The following ARAP3 variants were observed in gnomAD, a reference collection of about 807,000 sequenced individuals.
ARAP3 encodes ArfGAP with RhoGAP domain, ankyrin repeat and PH domain 3, also known as arf-GAP with Rho-GAP domain, ANK repeat and PH domain-containing protein 3.
A neutral mutation model predicts 169.2 loss-of-function variants in ARAP3; 82 were observed. That is an observed-to-expected ratio of 0.48 (90% CI 0.41 to 0.58). The LOEUF (loss-of-function observed/expected upper bound fraction) is 0.58. Among genes scored for constraint, ARAP3 ranks in the 20% least tolerant of loss-of-function variants. The pLI is 0.00. For synonymous variants in ARAP3, 791 were observed against 800.3 expected (o/e 0.99, Z 0.20); for missense variants, 1,764 against 2,018.0 (o/e 0.87, Z 2.41).
At chr5:141,658,682 G>T (rs759399507) in intron 23 of ARAP3, 29 bp from the exon 24 acceptor site, 2 of 1,555,140 alleles carry the variant, frequency 1.3e-6, no homozygotes, top group African/African-American at 2.8e-5. Flanking sequence ...AAGTCAGAAG[G>T]GCAAAAAAAG....
chr5:141,663,588 C>T (rs570321420), intron 19 of ARAP3, among the ~76,000 whole-genome samples: 1 of 152,334 alleles, frequency 6.6e-6, no homozygotes, highest in South Asian at 2.1e-4. Context: ...CACGCCCGGC[C>T]CCATATTCTT....
intron 16 of ARAP3, among the ~76,000 whole-genome samples, chr5:141,666,925 T>C (rs2099910729): frequency 6.6e-6 from 1 of 152,118 alleles, no homozygotes; most frequent in Non-Finnish European, 1.5e-5. Flanking sequence ...ATGCCCTTAA[T>C]TGAGGTGTGG....
At position 141,671,537 on chromosome 5, in the gene ARAP3, C is replaced by T. The variant is rs370474543; in HGVS notation, c.1854+33G>A. 1.9e-6 allele frequency: 3 copies of T among 1,612,152 alleles called. No individual in the cohort carries two copies. Among genetic ancestry groups the T allele is most frequent in the Non-Finnish European group, 2.5e-6 (3 of 1,179,348 alleles). On this transcript the variant is annotated intron_variant, in intron 12 of 32. Transcript: ENST00000239440. This position sits in a 1 kb window ranked among gnomAD's most constrained non-coding sequence, Gnocchi z 4.9. Reference sequence around the variant, plus strand: ...TCCAGAGAGTGTTTCCTGACCCCCCCACCCCAGATCACCCCTGCTCTGTCC... The same window carrying T: ...TCCAGAGAGTGTTTCCTGACCCCCCTACCCCAGATCACCCCTGCTCTGTCC...
At position 141,658,641 on chromosome 5, in the gene ARAP3, C is replaced by T. The variant is rs1156927261; in HGVS notation, c.3349G>A (p.Gly1117Arg). 6.3e-7 allele frequency: 1 copy of T among 1,591,338 alleles called. No individual in the cohort carries two copies. The highest frequency in any genetic ancestry group is 8.5e-7 in the Non-Finnish European group (1 of 1,173,650). Residue 1117 changes from glycine (G) to arginine (R), a missense_variant, in exon 24 of 33, where the codon GGA (glycine) becomes AGA (arginine). Gly to Arg is a moderately radical substitution (Grantham distance 125, BLOSUM62 -2). Coordinates refer to ENST00000239440, the MANE Select transcript of ARAP3 (RefSeq NM_022481.6). ...TWKDVQLSQA[G>R]DLIMEVYIEQ... is the part of the protein sequence containing the mutation. ...ATATAAACTTCCATGATGAGGTCTC[C>T]AGCCTGAGACAGCTGAGGGGAGGGG...
intron 16 of ARAP3, among the ~76,000 whole-genome samples, chr5:141,667,221 CA>C (rs1435092252): frequency 6.6e-6 from 1 of 151,934 alleles, no homozygotes; most frequent in Admixed American, 6.6e-5. Context: ...TCTTTATAGC[CA>C]AAAATGCTAC....
rs923321593 is a variant in ARAP3, at chr5:141,672,188, G to A, written c.1499C>T (p.Ala500Val). 17 of 1,614,064 alleles carry A rather than the reference G, an allele frequency of 1.1e-5. No homozygotes were observed. The highest frequency in any genetic ancestry group is 1.4e-5 in the Non-Finnish European group (17 of 1,180,030). The change falls in exon 10 of 33, where the codon GCC becomes GTC. Residue 500 changes from alanine to valine, a missense_variant. This residue lies in a region of ARAP3 where 630 missense variants were observed against 678.7 expected (regional missense o/e 0.93). Transcript: ENST00000239440. This position sits in a 1 kb window ranked among gnomAD's most constrained non-coding sequence, Gnocchi z 4.9. ...EVAEKIWSNR[A>V]NRQCADCGSS... ...CCCACAGTCCGCACACTGCCGGTTG[G>A]CCCGATTAGACCAGATCTTCTCAGC...
At chr5:141,661,436 T>G (rs937978825) in intron 21 of ARAP3, among the ~76,000 whole-genome samples, 2 of 152,122 alleles carry the variant, frequency 1.3e-5, no homozygotes, top group African/African-American at 4.8e-5. Context: ...CTTTTAGAAA[T>G]GAAGAAATTG....
chr5:141,670,027 A>G lies in ARAP3; in HGVS notation c.2144T>C (p.Leu715Pro), dbSNP rs1194708403. ...PRLWCVLGAA[L>P]EMFASENSPE... The stretch of plus-strand genomic sequence containing the variant: ...GCTGTTTTCCGATGCAAACATTTCC[A>G]GAGCTGCTCCCAGCACACACCAAAG... Residue 715 changes from leucine to proline, a missense_variant, in exon 15 of 33, where the codon CTG becomes CCG. Leu to Pro is a moderately conservative substitution (Grantham distance 98, BLOSUM62 -3). Around this residue, in one of 3 missense-constraint regions of ARAP3, gnomAD observed 1,112 missense variants for 1,285.7 expected, o/e 0.86. Transcript: ENST00000239440. 1 of 1,599,056 alleles carries G rather than the reference A, an allele frequency of 6.3e-7. No homozygotes were observed. Among genetic ancestry groups the G allele is most frequent in the Admixed American group, 1.9e-5 (1 of 54,014 alleles).
chr5:141,661,504 G>C (rs1213038720), intron 21 of ARAP3, among the ~76,000 whole-genome samples, 180 bp downstream of exon 21: 1 of 152,228 alleles, frequency 6.6e-6, no homozygotes, highest in African/African-American at 2.4e-5. Context: ...GACGGCACCA[G>C]ATTAAAGCCT....
At chr5:141,660,732 C>T (rs12188703) in intron 21 of ARAP3, among the ~76,000 whole-genome samples, 46,237 of 151,896 alleles carry the variant, frequency 0.3, 7,284 homozygotes, top group Admixed American at 0.4. Context: ...ATCCTCCTGC[C>T]TTGGCCTCCC....
rs751310295 is a variant in ARAP3, at chr5:141,662,263, G to A, written c.2801-8C>T. 1.9e-6 allele frequency: 3 copies of A among 1,613,614 alleles called. No individual in the cohort carries two copies. Among genetic ancestry groups the A allele is most frequent in the Non-Finnish European group, 2.5e-6 (3 of 1,179,888 alleles). ...CACCTTCCAGCCGGAGCCCTGAGGA[G>A]AGCCAGCCGTCTCTGCTCACCATGG... On this transcript the variant is annotated splice_polypyrimidine_tract_variant and splice_region_variant and intron_variant, in intron 19 of 32. Transcript: ENST00000239440.
chr5:141,669,501 C>G (rs551561762), intron 16 of ARAP3, among the ~76,000 whole-genome samples: 4 of 152,306 alleles, frequency 2.6e-5, no homozygotes, highest in Non-Finnish European at 5.9e-5. Context: ...TTTCCTTATA[C>G]TTAAAACCTC....
chr5:141,659,649 G>T, intron 22 of ARAP3, 130 bp downstream of exon 22: 1 of 1,379,380 alleles, frequency 7.2e-7, no homozygotes, highest in Non-Finnish European at 1.0e-6. Flanking sequence ...GCTCTGGGAG[G>T]TAGTTCCTGG....
chr5:141,681,635 T>C lies in ARAP3; in HGVS notation c.-18+538A>G, dbSNP rs1354120736. On this transcript the variant is annotated intron_variant, in intron 1 of 32. Transcript: ENST00000239440. ...GTTTTGCTCTCTGTTATTAAGCTTGTCCTTGACTCAGTCTACAATTCTAAC... is the reference window on the plus strand; with the variant it reads ...GTTTTGCTCTCTGTTATTAAGCTTGCCCTTGACTCAGTCTACAATTCTAAC... 3.9e-5 allele frequency among the ~76,000 whole-genome samples: 6 copies of C among 152,162 alleles called. No individual in the cohort carries two copies. The East Asian group carries it at 9.7e-4, about 25-fold the overall frequency.
rs761731690 is a variant in ARAP3 at position 141,671,310 on chromosome 5, A to T, written c.1945T>A (p.Phe649Ile). 2 of 1,613,498 alleles carry T rather than the reference A, an allele frequency of 1.2e-6. No homozygotes were observed. The highest frequency in any genetic ancestry group is 2.2e-5 in the East Asian group (1 of 44,882). Residue 649 changes from phenylalanine to isoleucine, a missense_variant, in exon 13 of 33, where the codon TTC (phenylalanine) becomes ATC (isoleucine). By Grantham distance (21) the Phe-to-Ile change is conservative (BLOSUM62 0). Coordinates refer to ENST00000239440, the MANE Select transcript of ARAP3 (RefSeq NM_022481.6). The surrounding 1 kb of genome is among the most constrained non-coding windows in gnomAD (Gnocchi z 4.9). ...CAGCTGCCATCAGGGGCTGGGGGGAACCAGGGCTCCTCGCCTTCAAAGGCC... is the reference window on the plus strand; with the variant it reads ...CAGCTGCCATCAGGGGCTGGGGGGATCCAGGGCTCCTCGCCTTCAAAGGCC... ...VEAFEGEEPW[F>I]PPAPDGSCPG...
intron 16 of ARAP3, 40 bp from the exon 17 acceptor site, chr5:141,666,683 G>A: frequency 1.8e-6 from 2 of 1,128,548 alleles, no homozygotes; most frequent in Non-Finnish European, 2.4e-6. Context: ...GGGGGATGGG[G>A]GAAGAGACAA....
chr5:141,673,218 G>A, intron 6 of ARAP3, 85 bp from the exon 7 acceptor site: 1 of 1,597,802 alleles, frequency 6.3e-7, no homozygotes. Flanking sequence ...GATTTTATAA[G>A]ATTGGCATTA....
Position 141,680,261 on chromosome 5 carries a change from C to G in ARAP3, c.226G>C (p.Asp76His), listed in dbSNP as rs368293765. The part of the protein sequence containing the change: ...TEEGSLDPKS[D>H]SAMEPSPSPA... The stretch of plus-strand genomic sequence containing the variant: ...CTGGGGGATGGTTCCATGGCACTAT[C>G]TGATTTGGGATCCAGGGAGCCCTCT... Residue 76 changes from aspartate to histidine, a missense_variant, in exon 2 of 33, where the codon GAT (aspartate) becomes CAT (histidine). Coordinates refer to ENST00000239440, the MANE Select transcript of ARAP3 (RefSeq NM_022481.6). 21 of 1,614,076 alleles carry G rather than the reference C, an allele frequency of 1.3e-5. No homozygotes were observed. The Admixed American group carries it at 2.2e-4, about 17-fold the overall frequency.
At chr5:141,657,429 TACTTTAAGTTCAATGGGA>T (rs1429645675) in intron 25 of ARAP3, among the ~76,000 whole-genome samples, 1 of 152,256 alleles carries the variant, frequency 6.6e-6, no homozygotes, top group Non-Finnish European at 1.5e-5. Context: ...ACTGGAATGA[TACTTTAAGTTCAATGGGA>T]AGCCACTGAA....
Sources: allele counts gnomAD v4.1 joint callset (sites outside exome capture counted in the v4.1 genomes callset), GRCh38; gene constraint gnomAD v4.1.1; regional missense constraint gnomAD v4.1.1; non-coding constraint Gnocchi (gnomAD v3.1); transcripts MANE v1.5; gene names NCBI Gene and HGNC (gene_info 2026-07-23, HGNC 2026-07-21).